GABRR2: variants seen among roughly 807,000 people sequenced by gnomAD.
GABRR2 encodes the protein gamma-aminobutyric acid receptor subunit rho-2.
Under a neutral mutation model 47.0 loss-of-function variants are expected in GABRR2, and 36 were observed. The ratio of observed to expected loss-of-function variants is 0.77; its 90% CI spans 0.59 to 1.01. GABRR2 has a LOEUF of 1.01. GABRR2 is among the 50% of genes least tolerant of loss of function. The pLI is 0.00. For missense variants in GABRR2, 587 were observed against 594.6 expected, an observed-to-expected ratio of 0.99 and a Z score of 0.13; for synonymous variants, 204 against 227.5, an observed-to-expected ratio of 0.90 and a Z score of 0.93.
Position 89,314,142 on chromosome 6 carries a change from TGTC to T in GABRR2, c.113+908_113+910del, listed in dbSNP as rs771986313. Among the ~76,000 whole-genome samples, 19 of 152,102 alleles carry T rather than the reference TGTC, an allele frequency of 1.2e-4. 1 individual carries two copies. The highest frequency in any genetic ancestry group is 2.8e-4 in the Non-Finnish European group (19 of 68,022). On this transcript the variant is annotated intron_variant, in intron 1 of 8. Transcript: ENST00000402938. ...TATTAGAGGTACAGTTTCAAAAACT[TGTC>T]ATTGACAGCAGCGCATGTTCAAAAA...
rs562699110 is a variant in GABRR2, at chr6:89,284,517, G to T, written c.221-12795C>A. On this transcript the variant is annotated intron_variant, in intron 2 of 8. Coordinates refer to ENST00000402938, the MANE Select transcript of GABRR2 (RefSeq NM_002043.5). ...TGTAATCACAAGAATCCTTAAATGT[G>T]GAAGAGAGAGGCAGAAGAGAAGGTC... Among the ~76,000 whole-genome samples the T allele has an allele frequency of 9.8e-5, 15 of 152,292 alleles. No individual in the cohort carries two copies. In the South Asian group the frequency reaches 2.9e-3, roughly 29 times the overall value.
chr6:89,314,195 G>A (rs1767725500), intron 1 of GABRR2, among the ~76,000 whole-genome samples: 1 of 152,174 alleles, frequency 6.6e-6, no homozygotes, highest in African/African-American at 2.4e-5. Flanking sequence ...CCTAGAAAAT[G>A]TGCCTCAAGA....
chr6:89,311,993 A>G (rs2127852596), intron 1 of GABRR2, among the ~76,000 whole-genome samples: 1 of 152,322 alleles, frequency 6.6e-6, no homozygotes, highest in Non-Finnish European at 1.5e-5. Context: ...CTCCAGCGGA[A>G]CAGAACCACA....
intron 8 of GABRR2, 57 bp downstream of exon 8, chr6:89,264,355 A>T: frequency 6.5e-7 from 1 of 1,548,034 alleles, no homozygotes; most frequent in East Asian, 2.3e-5. Flanking sequence ...GGCCCAGAAG[A>T]CCTTCATTTT....
At chr6:89,259,954 T>G (rs1773709483) in intron 8 of GABRR2, among the ~76,000 whole-genome samples, 1 of 150,282 alleles carries the variant, frequency 6.7e-6, no homozygotes, top group Non-Finnish European at 1.5e-5. Context: ...ATTACCCAGG[T>G]TGGAGTGCAG....
chr6:89,267,972 G>C, intron 5 of GABRR2, 42 bp downstream of exon 5: 1 of 1,592,640 alleles, frequency 6.3e-7, no homozygotes, highest in Non-Finnish European at 8.6e-7. Flanking sequence ...ACAAAGATCA[G>C]AGAGGAAAGA....
At chr6:89,302,311 G>C (rs1049040598) in intron 1 of GABRR2, 1 of 563,444 alleles carries the variant, frequency 1.8e-6, no homozygotes, top group African/African-American at 1.9e-5. Flanking sequence ...TGTCACTGTG[G>C]TGGAGCCCTA....
chr6:89,260,240 C>T lies in GABRR2; in HGVS notation c.1087-2259G>A, dbSNP rs566623209. ...CTCTTTGCATTTAGATATAATCACA[C>T]CCAAACTGATAAAATTGTGTGATAT... is the stretch of plus-strand genomic sequence containing the variant. On this transcript the variant is annotated intron_variant, in intron 8 of 8. Transcript: ENST00000402938. Among the ~76,000 whole-genome samples, 7 of 152,232 alleles carry T rather than the reference C, an allele frequency of 4.6e-5. No individual in the cohort carries two copies. The South Asian group carries it at 1.2e-3, about 27-fold the overall frequency.
chr6:89,310,057 A>G (rs889005293), intron 1 of GABRR2, among the ~76,000 whole-genome samples: 4 of 150,630 alleles, frequency 2.7e-5, no homozygotes, highest in African/African-American at 9.8e-5. Flanking sequence ...ATGAGACACC[A>G]TCCTCAGCCT....
At chr6:89,272,862 C>T (rs983572991) in intron 2 of GABRR2, among the ~76,000 whole-genome samples, 4 of 152,146 alleles carry the variant, frequency 2.6e-5, no homozygotes, top group African/African-American at 4.8e-5. Context: ...ACACTGCGTA[C>T]GTAGGAACTA....
chr6:89,302,349 G>GGCGGA, intron 1 of GABRR2: 1 of 566,146 alleles, frequency 1.8e-6, no homozygotes, highest in South Asian at 1.4e-5. Context: ...TCCACCAGCT[G>GGCGGA]GTGGAGAATA....
At chr6:89,292,914 T>C (rs1050335134) in intron 2 of GABRR2, among the ~76,000 whole-genome samples, 6 of 149,768 alleles carry the variant, frequency 4.0e-5, no homozygotes, top group South Asian at 4.2e-4. Context: ...ATATATATGC[T>C]CATCTATTAC....
intron 4 of GABRR2, 23 bp from the exon 5 acceptor site, chr6:89,268,119 T>C: frequency 6.3e-7 from 1 of 1,581,072 alleles, no homozygotes; most frequent in East Asian, 2.3e-5. Flanking sequence ...GAGTCACATA[T>C]TGGCTTGTGC....
intron 2 of GABRR2, among the ~76,000 whole-genome samples, chr6:89,275,594 A>C (rs1397463124): frequency 6.6e-6 from 1 of 152,216 alleles, no homozygotes; most frequent in Non-Finnish European, 1.5e-5. Context: ...TTTTGGAGGC[A>C]TCAAAGTTAA....
chr6:89,262,028 CAAAA>C (rs35450080), intron 8 of GABRR2, among the ~76,000 whole-genome samples: 4 of 130,448 alleles, frequency 3.1e-5, no homozygotes, highest in Admixed American at 8.2e-5. Context: ...GACCCTGTCT[CAAAA>C]AAAAAAAAAA....
intron 2 of GABRR2, among the ~76,000 whole-genome samples, chr6:89,285,754 C>G (rs1004509369): frequency 6.6e-6 from 1 of 152,134 alleles, no homozygotes; most frequent in African/African-American, 2.4e-5. Context: ...TGGCCGCTTC[C>G]TTTTTGCTGT....
chr6:89,273,735 C>T (rs1774104881), intron 2 of GABRR2, among the ~76,000 whole-genome samples: 1 of 152,220 alleles, frequency 6.6e-6, no homozygotes, highest in Non-Finnish European at 1.5e-5. Flanking sequence ...CTGCTAGAGG[C>T]TCCCAACACC....
intron 6 of GABRR2, 120 bp from the exon 7 acceptor site, chr6:89,265,885 G>T (rs966532452): frequency 3.2e-6 from 3 of 941,556 alleles, no homozygotes; most frequent in African/African-American, 1.7e-5. Flanking sequence ...TGAAATTAAT[G>T]ACCAGTTGGC....
intron 1 of GABRR2, among the ~76,000 whole-genome samples, chr6:89,300,526 G>A (rs1333672905): frequency 6.6e-6 from 1 of 151,598 alleles, no homozygotes; most frequent in African/African-American, 2.4e-5. Flanking sequence ...AATGACAAAG[G>A]GGATGTTACC....
Sources: allele counts gnomAD v4.1 joint callset (sites outside exome capture counted in the v4.1 genomes callset), GRCh38; gene constraint gnomAD v4.1.1; transcripts MANE v1.5; gene names NCBI Gene and HGNC (gene_info 2026-07-23, HGNC 2026-07-21).